The following GRIK4 variants were observed in gnomAD, a reference collection of about 807,000 sequenced individuals.
GRIK4 encodes the protein glutamate receptor ionotropic, kainate 4.
Under a neutral mutation model 104.9 loss-of-function variants are expected in GRIK4, and 40 were observed. The observed-to-expected ratio is 0.38, with a 90% confidence interval of 0.30 to 0.50. The LOEUF is 0.50. Ranked by LOEUF, GRIK4 falls within the 20% of genes least tolerant of loss-of-function variation. The pLI, the probability that GRIK4 is intolerant of heterozygous loss-of-function variation, is 0.93. For synonymous variants in GRIK4, 485 were observed against 524.9 expected, an observed-to-expected ratio of 0.92 and a Z score of 1.04; for missense variants, 1,047 against 1,308.1, an observed-to-expected ratio of 0.80 and a Z score of 3.08.
intron 11 of GRIK4, among the ~76,000 whole-genome samples, chr11:120,889,247 C>T (rs139227065): frequency 3.3e-5 from 5 of 152,266 alleles, no homozygotes; most frequent in East Asian, 1.9e-4. Flanking sequence ...GTGTTCACCA[C>T]GGAGGCTAAT....
intron 13 of GRIK4, among the ~76,000 whole-genome samples, chr11:120,911,438 C>T (rs1196887798): frequency 2.3e-4 from 34 of 148,532 alleles, no homozygotes; most frequent in Admixed American, 1.1e-3. Flanking sequence ...GGGGTTTCAC[C>T]GTGTTAGCCA....
intron 13 of GRIK4, among the ~76,000 whole-genome samples, chr11:120,931,966 C>T (rs776114045): frequency 2.2e-4 from 33 of 152,070 alleles, no homozygotes; most frequent in Non-Finnish European, 4.4e-4. Flanking sequence ...TGCATCGGGG[C>T]CTTGACACAT....
Position 120,617,471 on chromosome 11 carries a change from G to A in GRIK4, c.-158-36214G>A, listed in dbSNP as rs370808114. ...CTCAGCTCACTGCAGCCTCAGCCTC[G>A]CAGGCCCAAGTGATCCTCCCATCTC... On this transcript the variant is annotated intron_variant, in intron 1 of 20. Transcript: ENST00000527524. Among the ~76,000 whole-genome samples, 51 of 152,112 alleles carry A rather than the reference G, an allele frequency of 3.4e-4. No individual in the cohort carries two copies. In the East Asian group the frequency reaches 3.9e-3, roughly 12 times the overall value.
chr11:120,944,011 A>C (rs375149007), intron 14 of GRIK4, among the ~76,000 whole-genome samples: 1 of 152,188 alleles, frequency 6.6e-6, no homozygotes, highest in African/African-American at 2.4e-5. Context: ...GTTTCTGTTC[A>C]GGCATCCTTA....
intron 11 of GRIK4, among the ~76,000 whole-genome samples, chr11:120,889,810 G>T (rs1254905495): frequency 6.6e-6 from 1 of 151,864 alleles, no homozygotes; most frequent in South Asian, 2.1e-4. Flanking sequence ...CACCATGTTG[G>T]TCAGGCTGGT....
intron 3 of GRIK4, among the ~76,000 whole-genome samples, chr11:120,768,887 A>C (rs1951889734): frequency 6.6e-6 from 1 of 152,232 alleles, no homozygotes. Flanking sequence ...CCAGGCATAA[A>C]TCCAACTTGG....
intron 13 of GRIK4, among the ~76,000 whole-genome samples, chr11:120,926,554 G>T (rs1025136055): frequency 6.6e-6 from 1 of 152,232 alleles, no homozygotes; most frequent in Non-Finnish European, 1.5e-5. Context: ...CTAAGATTAT[G>T]CAGTTAGTAA....
At chr11:120,761,752 T>C (rs970381983) in intron 3 of GRIK4, among the ~76,000 whole-genome samples, 3 of 152,180 alleles carry the variant, frequency 2.0e-5, no homozygotes, top group Non-Finnish European at 4.4e-5. Context: ...AAAGATCAGA[T>C]AGTTGTAGAT....
chr11:120,643,534 A>T (rs1373636890), intron 1 of GRIK4, among the ~76,000 whole-genome samples: 1 of 152,250 alleles, frequency 6.6e-6, no homozygotes, highest in Non-Finnish European at 1.5e-5. Flanking sequence ...CTGGACCTGC[A>T]GCTGAATGGC....
intron 12 of GRIK4, 65 bp downstream of exon 12, chr11:120,898,704 C>T: frequency 1.2e-6 from 1 of 852,440 alleles, no homozygotes; most frequent in Non-Finnish European, 2.0e-6. Context: ...TCTGAGCACT[C>T]ACAGGCTGCC....
chr11:120,862,460 G>C (rs1954287999), intron 9 of GRIK4, among the ~76,000 whole-genome samples: 2 of 152,304 alleles, frequency 1.3e-5, no homozygotes, highest in Non-Finnish European at 2.9e-5. Flanking sequence ...AAGCTGATCT[G>C]CTCCCTCATT....
chr11:120,758,908 A>G (rs775406128), intron 3 of GRIK4, among the ~76,000 whole-genome samples: 7 of 152,228 alleles, frequency 4.6e-5, no homozygotes, highest in Admixed American at 1.3e-4. Context: ...GCACTGTGCT[A>G]GGCACTGGGG....
intron 9 of GRIK4, among the ~76,000 whole-genome samples, chr11:120,864,803 G>A (rs1287467655): frequency 6.6e-6 from 1 of 152,208 alleles, no homozygotes; most frequent in Non-Finnish European, 1.5e-5. Context: ...AAGGCCAGGA[G>A]TGCCTTTCAC....
chr11:120,653,442 G>A (rs957434372), intron 1 of GRIK4, among the ~76,000 whole-genome samples: 3 of 152,162 alleles, frequency 2.0e-5, no homozygotes, highest in Non-Finnish European at 4.4e-5. Flanking sequence ...AGCTCTGAGT[G>A]CGGTGCTCAC....
chr11:120,929,024 T>TGTGTGTGTGCGCAC (rs1491577232), intron 13 of GRIK4, among the ~76,000 whole-genome samples: 1 of 47,068 alleles, frequency 2.1e-5, no homozygotes, highest in African/African-American at 5.1e-5. Flanking sequence ...TGTGCGCACA[T>TGTGTGTGTGCGCAC]GTGTGTGTGT....
At chr11:120,723,772 T>C (rs1290500040) in intron 3 of GRIK4, among the ~76,000 whole-genome samples, 1 of 149,966 alleles carries the variant, frequency 6.7e-6, no homozygotes, top group African/African-American at 2.4e-5. Context: ...AACCAGTGGT[T>C]CTTGGTAAGG....
At chr11:120,831,762 C>A (rs1197833510) in intron 6 of GRIK4, 90 bp from the exon 7 acceptor site, 3 of 962,552 alleles carry the variant, frequency 3.1e-6, no homozygotes, top group African/African-American at 1.6e-5. Context: ...CCACTTCCAG[C>A]CCACATCTCC....
At chr11:120,874,899 T>G (rs1954736469) in intron 10 of GRIK4, among the ~76,000 whole-genome samples, 1 of 152,082 alleles carries the variant, frequency 6.6e-6, no homozygotes, top group South Asian at 2.1e-4. Flanking sequence ...TTTTTGCAGT[T>G]GGTATGGGGT....
rs79940496 is a variant in GRIK4 at position 120,695,986 on chromosome 11, G to A, written c.82+35586G>A. On this transcript the variant is annotated intron_variant, in intron 3 of 20. Coordinates refer to ENST00000527524, the MANE Select transcript of GRIK4 (RefSeq NM_014619.5). ...TCACATGCCTCCTCCCAGGGGCCTC[G>A]TGACCTTCTCTTCCTAGGAGAACCC... Among the ~76,000 whole-genome samples, 1,192 of 152,242 alleles carry A rather than the reference G, an allele frequency of 7.8e-3. 56 individuals are homozygous for A. The East Asian group carries it at 0.13, about 17-fold the overall frequency.
Sources: gnomAD v4.1 joint callset for allele counts (sites outside exome capture counted in the v4.1 genomes callset) on GRCh38, gnomAD v4.1.1 for gene constraint, MANE v1.5 for transcripts, NCBI Gene and HGNC (gene_info 2026-07-23, HGNC 2026-07-21) for gene names.